PARP4: variants seen among roughly 807,000 people sequenced by gnomAD.
The protein encoded by PARP4 is protein mono-ADP-ribosyltransferase PARP4.
A neutral mutation model predicts 187.7 loss-of-function variants in PARP4; 120 were observed. The observed-to-expected ratio is 0.64, with a 90% confidence interval of 0.55 to 0.74. The LOEUF is 0.74. Among genes scored for constraint, PARP4 ranks in the 30% least tolerant of loss-of-function variants. The pLI is 0.00. For missense variants in PARP4, 1,836 were observed against 2,070.5 expected (o/e 0.89, Z 2.20); for synonymous variants, 654 against 740.9 (o/e 0.88, Z 1.90).
chr13:24,458,572 G>A (rs145731561), intron 20 of PARP4, among the ~76,000 whole-genome samples: 289 of 152,024 alleles, frequency 1.9e-3, no homozygotes, highest in African/African-American at 6.8e-3. Context: ...GCAAGACCCT[G>A]TCTCAAAAAA....
intron 17 of PARP4, among the ~76,000 whole-genome samples, chr13:24,462,109 T>A (rs187666135): frequency 2.0e-5 from 3 of 152,188 alleles, no homozygotes; most frequent in Non-Finnish European, 4.4e-5. Context: ...AGGCCCTGCC[T>A]AAGACTGAGG....
chr13:24,455,225 A>C lies in PARP4; in HGVS notation c.2563-13T>G. On this transcript the variant is annotated splice_polypyrimidine_tract_variant and intron_variant, in intron 21 of 33. Transcript: ENST00000381989. ...CAAGCATGCAAGCCTGAAAGGAGAA[A>C]GAAGGTGCTGGACTGGAGCTTCTTG... 6.4e-7 allele frequency: 1 copy of C among 1,567,868 alleles called. No homozygotes were observed. The highest frequency in any genetic ancestry group is 1.1e-5 in the South Asian group (1 of 87,066).
Position 24,487,184 on chromosome 13 carries a change from C to T in PARP4, c.1215-879G>A, listed in dbSNP as rs190602871. Among the ~76,000 whole-genome samples the T allele has an allele frequency of 2.7e-3, 414 of 150,566 alleles. 5 individuals carry two copies. Among genetic ancestry groups the T allele is most frequent in the African/African-American group, 9.5e-3 (388 of 40,830 alleles). ...CTGAGGCAGGAGAATCGCTTGAAGC[C>T]GGGAGGCAGAGGTTGCAGTGAGCCA... On this transcript the variant is annotated intron_variant, in intron 10 of 33. Transcript: ENST00000381989.
intron 27 of PARP4, 91 bp from the exon 28 acceptor site, chr13:24,443,821 C>T (rs111957458): frequency 0.018 from 15,571 of 870,890 alleles, 829 homozygotes; most frequent in African/African-American, 0.16. Flanking sequence ...GAGGTATAAT[C>T]TGCATACAGT....
At chr13:24,429,212 G>T (rs4770673) in intron 32 of PARP4, among the ~76,000 whole-genome samples, 1 of 152,154 alleles carries the variant, frequency 6.6e-6, no homozygotes, top group Non-Finnish European at 1.5e-5. Flanking sequence ...GAGATTCTGC[G>T]ATTCACCCAT....
rs1392318856 is a variant in PARP4 at position 24,498,139 on chromosome 13, A to G, written c.568T>C (p.Phe190Leu). 6.2e-7 allele frequency: 1 copy of G among 1,612,712 alleles called. No individual in the cohort carries two copies. The highest frequency in any genetic ancestry group is 1.3e-5 in the African/African-American group (1 of 74,994). Residue 190 changes from phenylalanine (F) to leucine (L), a missense_variant, in exon 6 of 34, where the codon TTC becomes CTC. By Grantham distance (22) the Phe-to-Leu change is conservative (BLOSUM62 0). Transcript: ENST00000381989. ...ACCTCCATGCCATCATCCAGGAGGA[A>G]GTGTGAGGATATCAGGAAAGGACAG... ...RDCPFLISSH[F>L]LLDDGMETRR...
chr13:24,472,711 A>G (rs760496879), intron 15 of PARP4, among the ~76,000 whole-genome samples: 14 of 152,128 alleles, frequency 9.2e-5, no homozygotes, highest in Non-Finnish European at 1.6e-4. Flanking sequence ...GTGACTGTGG[A>G]TGATGAACCT....
intron 30 of PARP4, among the ~76,000 whole-genome samples, chr13:24,438,263 T>C (rs1417002065): frequency 1.3e-5 from 2 of 152,196 alleles, no homozygotes; most frequent in Non-Finnish European, 2.9e-5. Context: ...GATGAAAGTA[T>C]TCCACATGTT....
At position 24,492,490 on chromosome 13, in the gene PARP4, T is replaced by C; in HGVS notation, c.984A>G (p.Ile328Met). 2 of 1,614,070 alleles carry C rather than the reference T, an allele frequency of 1.2e-6. No individual in the cohort carries two copies. The highest frequency in any genetic ancestry group is 1.7e-6 in the Non-Finnish European group (2 of 1,179,932). The part of the protein sequence containing the change: ...QKMMTEFYRL[I>M]PHKGTMPKEV... ...CTTTGGGCATTGTGCCTTTGTGAGG[T>C]ATCAGTCTGTAAAACTCTGTCATCA... Residue 328 changes from isoleucine to methionine, a missense_variant, in exon 9 of 34, where the codon ATA becomes ATG. Physicochemically the swap from Ile to Met is conservative, Grantham distance 10. This residue lies in a region of PARP4 where 1,147 missense variants were observed against 1,214.2 expected (regional missense o/e 0.94). Transcript: ENST00000381989.
chr13:24,425,605 C>CTATATCTATATCTATATCTATATATA, intron 33 of PARP4, among the ~76,000 whole-genome samples: 1 of 146,916 alleles, frequency 6.8e-6, no homozygotes, highest in East Asian at 2.0e-4. Context: ...ATATCTATAT[C>CTATATCTATATCTATATCTATATATA]TATATATCTC....
intron 15 of PARP4, among the ~76,000 whole-genome samples, chr13:24,470,342 G>A (rs1872677825): frequency 6.6e-6 from 1 of 152,120 alleles, no homozygotes. Context: ...TTCGTTTTGT[G>A]GGCTTTGATG....
At chr13:24,458,905 G>C (rs1020222549) in intron 20 of PARP4, 139 bp downstream of exon 20, 2 of 668,230 alleles carry the variant, frequency 3.0e-6, no homozygotes, top group Non-Finnish European at 5.3e-6. Context: ...GGTCTGGGGA[G>C]AATCAGGGGC....
chr13:24,471,714 AG>A (rs374198138), intron 15 of PARP4, among the ~76,000 whole-genome samples: 9 of 152,320 alleles, frequency 5.9e-5, no homozygotes, highest in African/African-American at 1.9e-4. Context: ...AAACTTCCCC[AG>A]GGAACAGGCC....
At position 24,494,448 on chromosome 13, in the gene PARP4, C is replaced by A. The variant is rs562282260; in HGVS notation, c.741+125G>T. Reference sequence around the variant, plus strand: ...GCCTCAAGTGATCCTCCTGCCTTGGCCTCCCAAACTGCTGGGATACAGGCA... The same window carrying A: ...GCCTCAAGTGATCCTCCTGCCTTGGACTCCCAAACTGCTGGGATACAGGCA... On this transcript the variant is annotated intron_variant, in intron 7 of 33. Transcript: ENST00000381989. 2.1e-4 allele frequency: 166 copies of A among 780,730 alleles called. No individual in the cohort carries two copies. The African/African-American group carries it at 2.6e-3, about 12-fold the overall frequency. 48.4% of individuals were successfully genotyped at this position (780,730 alleles called of 1,614,324 possible). A position where few individuals can be genotyped will look rare whatever the true frequency, so the allele number is the denominator to read the frequency against.
At chr13:24,443,153 G>A (rs981376375) in intron 28 of PARP4, among the ~76,000 whole-genome samples, 8 of 143,282 alleles carry the variant, frequency 5.6e-5, no homozygotes, top group African/African-American at 2.1e-4. Context: ...AACGTTCACA[G>A]CCTTGTTGAA....
At chr13:24,424,978 C>T (rs954340428) in intron 33 of PARP4, among the ~76,000 whole-genome samples, 62 of 152,130 alleles carry the variant, frequency 4.1e-4, no homozygotes, top group African/African-American at 1.3e-3. Context: ...CCACCGCGCC[C>T]GGCCAGTACT....
At chr13:24,483,887 A>G (rs903881819) in intron 12 of PARP4, among the ~76,000 whole-genome samples, 3 of 152,132 alleles carry the variant, frequency 2.0e-5, no homozygotes, top group Admixed American at 6.5e-5. Flanking sequence ...TTGGCCTCCC[A>G]AAGTGCTGGG....
chr13:24,484,337 A>G lies in PARP4; in HGVS notation c.1448+316T>C, dbSNP rs146105828. On this transcript the variant is annotated intron_variant, in intron 12 of 33. Transcript: ENST00000381989. ...TCTATTAGCGCCACCATGCACGGCT[A>G]ATTTTTTAATTTTTTTGTAGAGATA... 2.9e-3 allele frequency among the ~76,000 whole-genome samples: 441 copies of G among 152,158 alleles called. 4 individuals carry two copies. The highest frequency in any genetic ancestry group is 9.9e-3 in the African/African-American group (410 of 41,528).
At chr13:24,486,412 A>C in intron 10 of PARP4, 107 bp from the exon 11 acceptor site, 1 of 736,734 alleles carries the variant, frequency 1.4e-6, no homozygotes, top group Non-Finnish European at 2.3e-6. Flanking sequence ...ATTATCAGGA[A>C]ACTGATTCAA....
Sources: gnomAD v4.1 joint callset for allele counts (sites outside exome capture counted in the v4.1 genomes callset) on GRCh38, gnomAD v4.1.1 for gene constraint, gnomAD v4.1.1 regional missense constraint, MANE v1.5 for transcripts, NCBI Gene and HGNC (gene_info 2026-07-23, HGNC 2026-07-21) for gene names.